Variants in SVIL observed in about 807,000 individuals in gnomAD.
The protein encoded by SVIL is supervillin, also known as archvillin.
SVIL carries 101 observed loss-of-function variants against 240.4 expected under a neutral mutation model. The ratio of observed to expected loss-of-function variants is 0.42; its 90% CI spans 0.36 to 0.50. The LOEUF (loss-of-function observed/expected upper bound fraction) is 0.50. Among genes scored for constraint, SVIL ranks in the 20% least tolerant of loss-of-function variants. SVIL has a pLI of 0.01. For synonymous variants in SVIL, 999 were observed against 1,100.0 expected (o/e 0.91, Z 1.82); for missense variants, 2,512 against 2,818.7 (o/e 0.89, Z 2.46).
intron 1 of SVIL, among the ~76,000 whole-genome samples, chr10:29,718,216 C>T (rs10826678): frequency 0.19 from 29,130 of 151,550 alleles, 3,431 homozygotes; most frequent in African/African-American, 0.34. Context: ...GATCCAGCTG[C>T]TCGGGAGGCT....
In SVIL at chr10:29,480,746, G is replaced by C; in HGVS notation, c.5168C>G (p.Ala1723Gly). 1.1e-5 allele frequency: 17 copies of C among 1,613,998 alleles called. No homozygotes were observed. The highest frequency in any genetic ancestry group is 1.4e-5 in the Non-Finnish European group (17 of 1,179,942). Reference sequence around the variant, plus strand: ...GTTCACTCCGTCCAGGATGGTGCCTGCTGTCGTCTGGGGCATGGACACCAT... The same window carrying C: ...GTTCACTCCGTCCAGGATGGTGCCTCCTGTCGTCTGGGGCATGGACACCAT... ...TRMVSMPQTT[A>G]GTILDGVNVG... is the part of the protein sequence containing the mutation. The change falls in exon 29 of 38, where the codon GCA becomes GGA. Residue 1723 changes from alanine to glycine, a missense_variant. Ala to Gly is a moderately conservative substitution (Grantham distance 60). Coordinates refer to ENST00000355867, the MANE Select transcript of SVIL (RefSeq NM_021738.3).
intron 1 of SVIL, among the ~76,000 whole-genome samples, chr10:29,727,204 G>A (rs1964341133): frequency 6.6e-6 from 1 of 152,206 alleles, no homozygotes; most frequent in African/African-American, 2.4e-5. Context: ...TAGGTTAACT[G>A]AAGTTGATGG....
At chr10:29,482,036 T>C (rs200874948) in intron 27 of SVIL, among the ~76,000 whole-genome samples, 3 of 114,154 alleles carry the variant, frequency 2.6e-5, no homozygotes, top group South Asian at 3.7e-4. Context: ...TTTTTTTTTT[T>C]TTTTTTTTTA....
intron 1 of SVIL, among the ~76,000 whole-genome samples, chr10:29,599,834 G>A (rs1956746082): frequency 6.6e-6 from 1 of 152,082 alleles, no homozygotes. Flanking sequence ...TACACCAAAT[G>A]TGGAAGATGT....
chr10:29,645,572 A>AAAAT (rs1374301880), intron 3 of SVIL, among the ~76,000 whole-genome samples: 2 of 152,222 alleles, frequency 1.3e-5, no homozygotes, highest in Non-Finnish European at 2.9e-5. Context: ...TCCGTCTCAA[A>AAAAT]AAATAAATAA....
At position 29,470,281 on chromosome 10, in the gene SVIL, C is replaced by G; in HGVS notation, c.5838G>C (p.Lys1946Asn). The G allele has an allele frequency of 6.2e-7, 1 of 1,614,230 alleles. No individual in the cohort carries two copies. Among genetic ancestry groups the G allele is most frequent in the Non-Finnish European group, 8.5e-7 (1 of 1,180,046 alleles). The change falls in exon 32 of 38, where the codon AAG becomes AAC. Residue 1946 changes from lysine to asparagine, a missense_variant. Around this residue, in one of 3 missense-constraint regions of SVIL, gnomAD observed 797 missense variants for 925.3 expected, o/e 0.86. Coordinates refer to ENST00000355867, the MANE Select transcript of SVIL (RefSeq NM_021738.3). ...EVGRTAANKI[K>N]EQCPLEAGLH... The stretch of plus-strand genomic sequence containing the variant: ...GCCGCAGACACAACACTCACTGTTC[C>G]TTGATCTTGTTCGCAGCGGTCCTTC...
intron 36 of SVIL, among the ~76,000 whole-genome samples, chr10:29,461,559 T>C (rs1325947296): frequency 6.6e-6 from 1 of 152,122 alleles, no homozygotes; most frequent in Non-Finnish European, 1.5e-5. Flanking sequence ...AAAATCAAAA[T>C]GGTAAAAAAC....
At chr10:29,564,391 C>T (rs1052621567) in intron 2 of SVIL, among the ~76,000 whole-genome samples, 4 of 152,220 alleles carry the variant, frequency 2.6e-5, no homozygotes, top group Non-Finnish European at 2.9e-5. Flanking sequence ...GTGGTCGGAG[C>T]GGGCAGGGCA....
At chr10:29,589,219 T>A (rs1956290332) in intron 1 of SVIL, among the ~76,000 whole-genome samples, 1 of 152,136 alleles carries the variant, frequency 6.6e-6, no homozygotes, top group Non-Finnish European at 1.5e-5. Flanking sequence ...AAACGGAGTT[T>A]TAAGTAACAC....
chr10:29,727,389 A>G (rs1214514458), intron 1 of SVIL, among the ~76,000 whole-genome samples: 2 of 152,030 alleles, frequency 1.3e-5, no homozygotes, highest in African/African-American at 2.4e-5. Context: ...TCAGCCTCCC[A>G]AGTAGCTGGG....
intron 3 of SVIL, among the ~76,000 whole-genome samples, chr10:29,654,038 T>C (rs1958922756): frequency 1.3e-5 from 2 of 152,154 alleles, no homozygotes; most frequent in South Asian, 2.1e-4. Flanking sequence ...GTCCCTTGAA[T>C]TTCCATATTA....
At chr10:29,666,577 T>C (rs1959315626) in intron 2 of SVIL, among the ~76,000 whole-genome samples, 1 of 152,208 alleles carries the variant, frequency 6.6e-6, no homozygotes, top group Non-Finnish European at 1.5e-5. Flanking sequence ...TAAGGGTGGG[T>C]ATTACCCTTG....
chr10:29,559,652 T>C (rs1054578239), intron 3 of SVIL, among the ~76,000 whole-genome samples: 29 of 152,346 alleles, frequency 1.9e-4, no homozygotes, highest in South Asian at 8.3e-4. Flanking sequence ...ACATTAGGAC[T>C]TCCAAACATA....
chr10:29,563,357 A>G (rs1335904562), intron 2 of SVIL, 65 bp from the exon 3 acceptor site: 1 of 741,456 alleles, frequency 1.3e-6, no homozygotes, highest in East Asian at 1.3e-4. Context: ...GAAAAAATGC[A>G]GAACACAAAA....
chr10:29,533,266 A>T lies in SVIL; in HGVS notation c.1101T>A (p.Tyr367Ter). 1 of 1,614,074 alleles carries T rather than the reference A, an allele frequency of 6.2e-7. No individual in the cohort carries two copies. Among genetic ancestry groups the T allele is most frequent in the Non-Finnish European group, 8.5e-7 (1 of 1,180,028 alleles). The change falls in exon 8 of 38, where the codon TAT becomes TAA. Residue 367 changes from tyrosine (Y) to a stop codon, truncating the protein, a stop_gained. Coordinates refer to ENST00000355867, the MANE Select transcript of SVIL (RefSeq NM_021738.3). LOFTEE classifies it high-confidence loss of function. ...AGSTRQPIRG[Y>*]VQPADTGHTA... is the part of the protein sequence containing the mutation. ...TGTGACCGGTATCTGCGGGTTGGAC[A>T]TAGCCACGGATTGGCTGTCGTGTAG... is the stretch of plus-strand genomic sequence containing the variant.
chr10:29,609,705 G>A (rs571568515), intron 1 of SVIL, among the ~76,000 whole-genome samples: 2 of 152,324 alleles, frequency 1.3e-5, no homozygotes, highest in East Asian at 3.9e-4. Context: ...GGCACATCTG[G>A]TCCAGCCACA....
At position 29,692,706 on chromosome 10, in the gene SVIL, T is replaced by C. The variant is rs188633443; in HGVS notation, c.-399-6055A>G. 3.9e-5 allele frequency among the ~76,000 whole-genome samples: 6 copies of C among 152,002 alleles called. No homozygotes were observed. In the East Asian group the frequency reaches 1.2e-3, roughly 29 times the overall value. On this transcript the variant is annotated intron_variant, in intron 1 of 35. Coordinates refer to the SVIL transcript ENST00000375400. ...CAAGGTCTCCCTATGTTGCCCAGAT[T>C]GGTTTCAAACTCCTGGGCTCAAGGA...
chr10:29,548,145 T>G (rs774304527), intron 6 of SVIL, among the ~76,000 whole-genome samples: 2 of 152,216 alleles, frequency 1.3e-5, no homozygotes, highest in Non-Finnish European at 2.9e-5. Flanking sequence ...GATGCTCGAG[T>G]ATGTGGTGAC....
intron 32 of SVIL, among the ~76,000 whole-genome samples, chr10:29,468,745 C>A (rs1945223242): frequency 6.6e-6 from 1 of 152,010 alleles, no homozygotes; most frequent in South Asian, 2.1e-4. Context: ...AAAAGCAATT[C>A]TTACTCATGA....
Sources: allele counts gnomAD v4.1 joint callset (sites outside exome capture counted in the v4.1 genomes callset), GRCh38; gene constraint gnomAD v4.1.1; regional missense constraint gnomAD v4.1.1; transcripts MANE v1.5; gene names NCBI Gene and HGNC (gene_info 2026-07-23, HGNC 2026-07-21).